COX10: variants seen among roughly 807,000 people sequenced by gnomAD.
The protein encoded by COX10 is protoheme IX farnesyltransferase, mitochondrial.
A neutral mutation model predicts 37.3 loss-of-function variants in COX10; 27 were observed. The ratio of observed to expected loss-of-function variants is 0.72; its 90% CI spans 0.53 to 1.00. The LOEUF (loss-of-function observed/expected upper bound fraction) is 1.00. Ranked by LOEUF, COX10 falls within the 50% of genes least tolerant of loss-of-function variation. The pLI, the probability that COX10 is intolerant of heterozygous loss-of-function variation, is 0.00. For missense variants in COX10, 475 were observed against 563.2 expected (o/e 0.84, Z 1.59); for synonymous variants, 222 against 229.1 (o/e 0.97, Z 0.28).
rs181619780 is a variant in COX10 at position 14,165,455 on chromosome 17, C to T, written c.695+5508C>T. Among the ~76,000 whole-genome samples the T allele has an allele frequency of 1.7e-3, 263 of 152,128 alleles. 2 individuals carry two copies. Among genetic ancestry groups the T allele is most frequent in the African/African-American group, 5.9e-3 (245 of 41,448 alleles). ...GTAATTGTTTTGGGGCACCATAAGCCGTGCCCATAAAAGACAGCAAACTTA... is the reference window on the plus strand; with the variant it reads ...GTAATTGTTTTGGGGCACCATAAGCTGTGCCCATAAAAGACAGCAAACTTA... On this transcript the variant is annotated intron_variant, in intron 5 of 6. Transcript: ENST00000261643.
chr17:14,108,353 T>A (rs1220486612), intron 4 of COX10, among the ~76,000 whole-genome samples: 1 of 152,186 alleles, frequency 6.6e-6, no homozygotes, highest in African/African-American at 2.4e-5. Context: ...TTTTGAAAGA[T>A]CAAATAAATG....
At chr17:14,108,420 G>A (rs1015622342) in intron 4 of COX10, among the ~76,000 whole-genome samples, 8 of 152,100 alleles carry the variant, frequency 5.3e-5, no homozygotes, top group African/African-American at 9.7e-5. Context: ...TGTTCTCAGC[G>A]ACTTTACTTT....
In COX10 at chr17:14,131,998, A is replaced by G. The variant is rs529956988; in HGVS notation, c.625-27879A>G. ...ACTAGAAGTTTCTTTAAATATGTAC[A>G]TTGTTGTCATATATATCTTCCTTTA... is the stretch of plus-strand genomic sequence containing the variant. On this transcript the variant is annotated intron_variant, in intron 4 of 6. Transcript: ENST00000261643. Among the ~76,000 whole-genome samples the G allele has an allele frequency of 8.4e-4, 127 of 152,038 alleles. 1 individual carries two copies. The highest frequency in any genetic ancestry group is 3.4e-3 in the Middle Eastern group (1 of 294).
chr17:14,098,947 A>G (rs1915710040), intron 3 of COX10, among the ~76,000 whole-genome samples: 1 of 152,088 alleles, frequency 6.6e-6, no homozygotes, highest in Non-Finnish European at 1.5e-5. Context: ...CTGTACCCCT[A>G]AGCAGAGGAG....
intron 4 of COX10, among the ~76,000 whole-genome samples, chr17:14,132,604 A>G (rs1916491596): frequency 6.6e-6 from 1 of 151,714 alleles, no homozygotes; most frequent in Admixed American, 6.6e-5. Flanking sequence ...AGTCTTACAA[A>G]TATATTGTTC....
chr17:14,104,617 AT>A (rs1178761061), intron 4 of COX10, among the ~76,000 whole-genome samples: 12 of 152,278 alleles, frequency 7.9e-5, no homozygotes, highest in Non-Finnish European at 1.8e-4. Context: ...GTTCGTATTT[AT>A]AAAAAGATTC....
At chr17:14,166,078 A>G (rs1905274666) in intron 5 of COX10, among the ~76,000 whole-genome samples, 2 of 152,240 alleles carry the variant, frequency 1.3e-5, no homozygotes, top group South Asian at 4.1e-4. Context: ...GCAAGTGCTA[A>G]TGGAGAAGCT....
At chr17:14,154,046 A>T (rs1394995304) in intron 4 of COX10, among the ~76,000 whole-genome samples, 1 of 152,222 alleles carries the variant, frequency 6.6e-6, no homozygotes, top group Non-Finnish European at 1.5e-5. Flanking sequence ...CATTTTATTT[A>T]CATAAAACTC....
chr17:14,074,233 T>C (rs1385100633), intron 1 of COX10, 90 bp from the exon 2 acceptor site: 4 of 1,428,072 alleles, frequency 2.8e-6, no homozygotes, highest in East Asian at 2.3e-5. Context: ...CTTACCTTAG[T>C]GGCTGGCTTT....
chr17:14,176,951 A>C (rs2856139), intron 5 of COX10, among the ~76,000 whole-genome samples: 38 of 152,046 alleles, frequency 2.5e-4, no homozygotes, highest in Admixed American at 6.5e-4. Flanking sequence ...GCAACATAGA[A>C]ATTTTCTATA....
At chr17:14,088,015 C>G in intron 3 of COX10, among the ~76,000 whole-genome samples, 1 of 152,164 alleles carries the variant, frequency 6.6e-6, no homozygotes, top group Non-Finnish European at 1.5e-5. Flanking sequence ...ATAGCTGCCT[C>G]TAAGCTCTCC....
chr17:14,156,376 C>T (rs1391142912), intron 4 of COX10, among the ~76,000 whole-genome samples: 1 of 152,044 alleles, frequency 6.6e-6, no homozygotes, highest in Non-Finnish European at 1.5e-5. Flanking sequence ...ACTACAGGCA[C>T]CCGCCACCGC....
In COX10 at chr17:14,194,430, A is replaced by C. The variant is rs149709622; in HGVS notation, c.928+2209A>C. On this transcript the variant is annotated intron_variant, in intron 6 of 6. Coordinates refer to ENST00000261643, the MANE Select transcript of COX10 (RefSeq NM_001303.4). ...AACTGCTAATAGTCATGTTTAAAATAATTTTTTTTCTTTTGAGATGGCGTC... is the reference window on the plus strand; with the variant it reads ...AACTGCTAATAGTCATGTTTAAAATCATTTTTTTTCTTTTGAGATGGCGTC... 5.5e-3 allele frequency among the ~76,000 whole-genome samples: 832 copies of C among 152,236 alleles called. 5 individuals are homozygous for C. Among genetic ancestry groups the C allele is most frequent in the Middle Eastern group, 0.014 (4 of 292 alleles).
intron 5 of COX10, among the ~76,000 whole-genome samples, chr17:14,168,350 G>T (rs1175921570): frequency 6.6e-6 from 1 of 152,212 alleles, no homozygotes; most frequent in African/African-American, 2.4e-5. Flanking sequence ...GCCATTGAGT[G>T]CCTCTGGCTT....
At chr17:14,176,236 T>A (rs1025955140) in intron 5 of COX10, among the ~76,000 whole-genome samples, 2 of 151,964 alleles carry the variant, frequency 1.3e-5, no homozygotes, top group African/African-American at 4.8e-5. Flanking sequence ...ATGTGTATCT[T>A]CACCTTTGTT....
intron 4 of COX10, among the ~76,000 whole-genome samples, chr17:14,104,894 C>T (rs2108682): frequency 0.98 from 149,866 of 152,240 alleles, 73,794 homozygotes; most frequent in East Asian, 1. Context: ...TTTTGTAATA[C>T]GTACACATGC....
At chr17:14,168,176 A>C (rs1905345374) in intron 5 of COX10, among the ~76,000 whole-genome samples, 1 of 152,192 alleles carries the variant, frequency 6.6e-6, no homozygotes, top group South Asian at 2.1e-4. Flanking sequence ...CATGTCCGAA[A>C]CCCAAAAGGG....
chr17:14,195,321 G>A (rs1437864797), intron 6 of COX10, among the ~76,000 whole-genome samples: 2 of 152,122 alleles, frequency 1.3e-5, no homozygotes, highest in African/African-American at 4.8e-5. Context: ...TAGGAACTGG[G>A]TTGAATATGG....
At chr17:14,136,576 T>A (rs62055189) in intron 4 of COX10, among the ~76,000 whole-genome samples, 2 of 151,930 alleles carry the variant, frequency 1.3e-5, no homozygotes, top group Non-Finnish European at 2.9e-5. Context: ...AATCCTGTAC[T>A]TATTTGTTTC....
Sources: allele counts gnomAD v4.1 joint callset (sites outside exome capture counted in the v4.1 genomes callset), GRCh38; gene constraint gnomAD v4.1.1; transcripts MANE v1.5; gene names NCBI Gene and HGNC (gene_info 2026-07-23, HGNC 2026-07-21).